The following ENOPH1 variants were observed in gnomAD, a reference collection of about 807,000 sequenced individuals.
The protein encoded by ENOPH1 is enolase-phosphatase 1.
ENOPH1 carries 14 observed loss-of-function variants against 31.1 expected under a neutral mutation model. The ratio of observed to expected loss-of-function variants is 0.45; its 90% CI spans 0.30 to 0.70. ENOPH1 has a LOEUF of 0.70. Among genes scored for constraint, ENOPH1 ranks in the 30% least tolerant of loss-of-function variants. The pLI, the probability that ENOPH1 is intolerant of heterozygous loss-of-function variation, is 0.09. For synonymous variants in ENOPH1, 127 were observed against 123.2 expected, an observed-to-expected ratio of 1.03 and a Z score of -0.21; for missense variants, 243 against 321.5, an observed-to-expected ratio of 0.76 and a Z score of 1.87.
At chr4:82,451,326 A>G in intron 3 of ENOPH1, 81 bp downstream of exon 3, 1 of 1,330,454 alleles carries the variant, frequency 7.5e-7, no homozygotes, top group Non-Finnish European at 1.1e-6. Flanking sequence ...TTTCCAGCGT[A>G]AGTCACAAGA....
At chr4:82,449,188 C>G (rs896982029) in intron 2 of ENOPH1, among the ~76,000 whole-genome samples, 19 of 151,978 alleles carry the variant, frequency 1.3e-4, no homozygotes, top group African/African-American at 4.6e-4. Flanking sequence ...TGTAGTGAGC[C>G]GAGATGGCGC....
Position 82,452,479 on chromosome 4 carries a change from A to G in ENOPH1, c.389+1234A>G, listed in dbSNP as rs574763812. Among the ~76,000 whole-genome samples, 30 of 152,074 alleles carry G rather than the reference A, an allele frequency of 2.0e-4. 1 individual carries two copies. In the South Asian group the frequency reaches 5.8e-3, roughly 30 times the overall value. On this transcript the variant is annotated intron_variant, in intron 3 of 5. Coordinates refer to ENST00000273920, the MANE Select transcript of ENOPH1 (RefSeq NM_021204.5). ...GCTAATTTTTGTATTTTTAGTAGAC[A>G]TGGGGTTTCACCATATTGGCCAGGC...
chr4:82,445,067 A>T (rs917673757), intron 1 of ENOPH1, among the ~76,000 whole-genome samples: 6 of 152,128 alleles, frequency 3.9e-5, no homozygotes, highest in African/African-American at 9.7e-5. Context: ...AACATTTTTT[A>T]AAAAATTAGC....
intron 1 of ENOPH1, among the ~76,000 whole-genome samples, chr4:82,442,266 C>T (rs992949679): frequency 4.6e-5 from 7 of 152,184 alleles, no homozygotes; most frequent in African/African-American, 1.7e-4. Flanking sequence ...CTCCTGTAAT[C>T]CCAGCACTTT....
intron 3 of ENOPH1, among the ~76,000 whole-genome samples, chr4:82,451,465 T>C (rs996415732): frequency 4.6e-5 from 7 of 152,142 alleles, no homozygotes; most frequent in African/African-American, 1.7e-4. Flanking sequence ...GTCTTGTGGG[T>C]TGATTGAAGG....
chr4:82,447,967 G>C lies in ENOPH1; in HGVS notation c.132G>C (p.Gln44His). 1 of 1,613,440 alleles carries C rather than the reference G, an allele frequency of 6.2e-7. No individual in the cohort carries two copies. Among genetic ancestry groups the C allele is most frequent in the Non-Finnish European group, 8.5e-7 (1 of 1,179,566 alleles). Residue 44 changes from glutamine to histidine, a missense_variant, in exon 2 of 6, where the codon CAG (glutamine) becomes CAC (histidine). Gln to His is a conservative substitution (Grantham distance 24). Coordinates refer to ENST00000273920, the MANE Select transcript of ENOPH1 (RefSeq NM_021204.5). The stretch of plus-strand genomic sequence containing the variant: ...AAGAAAATGTTAAAGAGTATCTGCA[G>C]ACACATTGGGAAGAAGAGGAGTGCC... The part of the protein sequence containing the change: ...YIEENVKEYL[Q>H]THWEEEECQQ...
At chr4:82,458,816 C>G (rs1320199357) in intron 5 of ENOPH1, among the ~76,000 whole-genome samples, 1 of 152,144 alleles carries the variant, frequency 6.6e-6, no homozygotes, top group African/African-American at 2.4e-5. Flanking sequence ...CAGAGGTGGT[C>G]TGAAGAAGAC....
intron 2 of ENOPH1, among the ~76,000 whole-genome samples, chr4:82,448,975 G>A (rs1400860096): frequency 2.7e-5 from 4 of 149,438 alleles, no homozygotes; most frequent in Non-Finnish European, 4.4e-5. Context: ...GGAGAATGGC[G>A]TGAACCCGGG....
At chr4:82,436,177 G>C (rs1280742152) in intron 1 of ENOPH1, among the ~76,000 whole-genome samples, 4 of 152,166 alleles carry the variant, frequency 2.6e-5, no homozygotes, top group Non-Finnish European at 5.9e-5. Flanking sequence ...GGATATTGTT[G>C]ATCTCTAAGA....
chr4:82,453,091 C>T (rs1385515367), intron 3 of ENOPH1, among the ~76,000 whole-genome samples: 1 of 151,804 alleles, frequency 6.6e-6, no homozygotes, highest in African/African-American at 2.4e-5. Context: ...TTAGTAGAGA[C>T]AGTGTTTCAC....
intron 5 of ENOPH1, among the ~76,000 whole-genome samples, chr4:82,457,384 C>G (rs528446254): frequency 6.6e-6 from 1 of 152,094 alleles, no homozygotes; most frequent in South Asian, 2.1e-4. Flanking sequence ...TATGATGGCT[C>G]ACTCCTGTGG....
At position 82,430,812 on chromosome 4, in the gene ENOPH1, G is replaced by T; in HGVS notation, c.-18G>T. On this transcript the variant is annotated 5_prime_UTR_variant, in exon 1 of 6. Transcript: ENST00000273920. ...CCTCCCCAACAGCAGGCCGAGTCCC[G>T]TAGCATCCGGTAGGGAAATGGTCGT... 6.2e-7 allele frequency: 1 copy of T among 1,613,256 alleles called. No homozygotes were observed. Among genetic ancestry groups the T allele is most frequent in the South Asian group, 1.1e-5 (1 of 91,068 alleles).
rs553856255 is a variant in ENOPH1, at chr4:82,430,606, C to G, written c.-224C>G. 195 of 549,660 alleles carry G rather than the reference C, an allele frequency of 3.5e-4. 1 individual carries two copies. The highest frequency in any genetic ancestry group is 6.7e-4 in the South Asian group (30 of 45,092). The allele number at this position is 549,660 out of a possible 1,614,324, so 34.0% of individuals were successfully genotyped here. ...GCCCACGTGGTCTCGGGCTCCTGCC[C>G]CGTCCTGCTCACGAGTTCAGGGCTC... On this transcript the variant is annotated 5_prime_UTR_variant, in exon 1 of 6. Transcript: ENST00000273920.
chr4:82,437,362 C>T, intron 1 of ENOPH1, among the ~76,000 whole-genome samples: 1 of 152,232 alleles, frequency 6.6e-6, no homozygotes, highest in East Asian at 1.9e-4. Context: ...CCTCTGTAGT[C>T]TCTCACTGGC....
intron 1 of ENOPH1, among the ~76,000 whole-genome samples, chr4:82,439,485 A>G (rs755660883): frequency 2.6e-5 from 4 of 152,216 alleles, no homozygotes; most frequent in Non-Finnish European, 4.4e-5. Context: ...TTGTAAGTTC[A>G]GGAAGGTAAT....
At chr4:82,443,588 C>T (rs139316581) in intron 1 of ENOPH1, among the ~76,000 whole-genome samples, 3,300 of 147,024 alleles carry the variant, frequency 0.022, 210 homozygotes, top group African/African-American at 0.078. Context: ...ATTGGCCGGG[C>T]GTGGTGGCGG....
chr4:82,448,363 C>T (rs944301603), intron 2 of ENOPH1, among the ~76,000 whole-genome samples: 4 of 151,292 alleles, frequency 2.6e-5, no homozygotes, highest in African/African-American at 9.7e-5. Context: ...TGGGTTCAGG[C>T]GATTCTCCTG....
intron 4 of ENOPH1, among the ~76,000 whole-genome samples, chr4:82,456,442 T>A (rs975773411): frequency 6.6e-6 from 1 of 152,168 alleles, no homozygotes; most frequent in African/African-American, 2.4e-5. Context: ...GGGTAGAATT[T>A]CAAAACGTTT....
At chr4:82,458,653 C>G (rs1476538759) in intron 5 of ENOPH1, among the ~76,000 whole-genome samples, 1 of 152,220 alleles carries the variant, frequency 6.6e-6, no homozygotes, top group Admixed American at 6.5e-5. Context: ...GAATATGGAA[C>G]GGCCACTTGT....
Sources: gnomAD v4.1 joint callset for allele counts (sites outside exome capture counted in the v4.1 genomes callset) on GRCh38, gnomAD v4.1.1 for gene constraint, MANE v1.5 for transcripts, NCBI Gene and HGNC (gene_info 2026-07-23, HGNC 2026-07-21) for gene names.